The following CUBN variants were observed in gnomAD, a reference collection of about 807,000 sequenced individuals.
CUBN encodes 460 kDa receptor.
A neutral mutation model predicts 405.3 loss-of-function variants in CUBN; 282 were observed. The observed-to-expected ratio is 0.70, with a 90% confidence interval of 0.63 to 0.77. The LOEUF is 0.77. CUBN is among the 30% of genes least tolerant of loss of function. CUBN has a pLI of 0.00. For missense variants in CUBN, 4,514 were observed against 4,475.2 expected (o/e 1.01, Z -0.25); for synonymous variants, 1,684 against 1,617.0 (o/e 1.04, Z -0.99).
At chr10:17,127,805 T>A (rs764117159) in intron 3 of CUBN, 24 bp downstream of exon 3, 1 of 1,558,244 alleles carries the variant, frequency 6.4e-7, no homozygotes, top group Admixed American at 1.7e-5. Context: ...TCATCGGTTC[T>A]TATGACGTAG....
chr10:16,888,105 T>C (rs1252817480), intron 56 of CUBN, among the ~76,000 whole-genome samples: 1 of 152,130 alleles, frequency 6.6e-6, no homozygotes, highest in Non-Finnish European at 1.5e-5. Flanking sequence ...TAGGATATAT[T>C]GGTCACAGGA....
intron 17 of CUBN, among the ~76,000 whole-genome samples, chr10:17,080,649 T>C (rs1431529466): frequency 6.6e-6 from 1 of 152,166 alleles, no homozygotes; most frequent in East Asian, 1.9e-4. Context: ...TCATTTCCCT[T>C]CGTATCCTAC....
At chr10:17,005,727 T>A (rs1448849077) in intron 28 of CUBN, among the ~76,000 whole-genome samples, 1 of 152,216 alleles carries the variant, frequency 6.6e-6, no homozygotes, top group Non-Finnish European at 1.5e-5. Flanking sequence ...CTGCCTTGCC[T>A]ACTCTATGAC....
intron 39 of CUBN, among the ~76,000 whole-genome samples, chr10:16,935,879 C>CAAAAAAAA (rs369098280): frequency 2.8e-5 from 2 of 71,404 alleles, no homozygotes; most frequent in Non-Finnish European, 5.2e-5. Context: ...GACTCCATCT[C>CAAAAAAAA]AAAAAAAAAA....
Position 17,088,253 on chromosome 10 carries a change from C to A in CUBN, c.1858G>T (p.Val620Phe). Residue 620 changes from valine to phenylalanine, a missense_variant, in exon 15 of 67, where the codon GTT (valine) becomes TTT (phenylalanine). By Grantham distance (50) the Val-to-Phe change is conservative. Transcript: ENST00000377833. ...ACCAGGAGGTCAGGACTAGTTACAA[C>A]AATCCAGACACAATCTCTTCCTGGG... ...YPPGRDCVWI[V>F]VTSPDLLVTF... is the part of the protein sequence containing the mutation. 6.2e-7 allele frequency: 1 copy of A among 1,613,330 alleles called. No homozygotes were observed. The highest frequency in any genetic ancestry group is 8.5e-7 in the Non-Finnish European group (1 of 1,179,274).
chr10:16,888,747 TA>T (rs1451638084), intron 55 of CUBN, among the ~76,000 whole-genome samples, 181 bp from the exon 56 acceptor site: 70 of 152,184 alleles, frequency 4.6e-4, no homozygotes, highest in Non-Finnish European at 1.6e-4. Flanking sequence ...ATGTGCTTAA[TA>T]AGAATATTAT....
In CUBN at chr10:16,915,131, T is replaced by C. The variant is rs2131456450; in HGVS notation, c.7252A>G (p.Ser2418Gly). 1 of 1,614,106 alleles carries C rather than the reference T, an allele frequency of 6.2e-7. No individual in the cohort carries two copies. The highest frequency in any genetic ancestry group is 8.5e-7 in the Non-Finnish European group (1 of 1,179,970). Residue 2418 changes from serine to glycine, a missense_variant, in exon 47 of 67, where the codon AGC becomes GGC. By Grantham distance (56) the Ser-to-Gly change is moderately conservative. Transcript: ENST00000377833. ...GRYCGNTIPD[S>G]IDTSSNTAVV... ...GCAGTATTGCTAGAAGTGTCTATGCTGTCAGGAATGGTGTTTCCACAGTAT... is the reference window on the plus strand; with the variant it reads ...GCAGTATTGCTAGAAGTGTCTATGCCGTCAGGAATGGTGTTTCCACAGTAT...
chr10:16,940,323 G>C, intron 36 of CUBN, 86 bp from the exon 37 acceptor site: 1 of 1,278,132 alleles, frequency 7.8e-7, no homozygotes, highest in Admixed American at 1.7e-5. Context: ...AGGTTAACCC[G>C]TTCACTTTTT....
intron 44 of CUBN, 56 bp from the exon 45 acceptor site, chr10:16,918,856 A>G: frequency 6.9e-7 from 1 of 1,450,182 alleles, no homozygotes; most frequent in South Asian, 1.2e-5. Flanking sequence ...TATTTTGATA[A>G]TGACAACCTT....
chr10:17,027,652 CTCAGAATT>C (rs1337755355), intron 27 of CUBN, among the ~76,000 whole-genome samples: 2 of 152,144 alleles, frequency 1.3e-5, no homozygotes. Flanking sequence ...CTTCTCCAAT[CTCAGAATT>C]TCATACCCTT....
chr10:16,939,595 C>G (rs1001444736), intron 37 of CUBN, among the ~76,000 whole-genome samples: 2 of 152,152 alleles, frequency 1.3e-5, no homozygotes, highest in Non-Finnish European at 2.9e-5. Context: ...ACATTTTATA[C>G]TATTAGAAGA....
intron 56 of CUBN, 52 bp downstream of exon 56, chr10:16,888,365 T>A (rs1840881647): frequency 7.1e-7 from 1 of 1,418,222 alleles, no homozygotes; most frequent in African/African-American, 1.4e-5. Flanking sequence ...ACCATAAATA[T>A]ACAATTTTTG....
chr10:16,985,080 G>A (rs982767481), intron 29 of CUBN, among the ~76,000 whole-genome samples: 2 of 152,232 alleles, frequency 1.3e-5, no homozygotes, highest in African/African-American at 4.8e-5. Flanking sequence ...GTAGAAGAGG[G>A]AGGTTCCCTG....
At chr10:17,121,903 T>A (rs1837051247) in intron 6 of CUBN, 1 of 152,182 alleles carries the variant, frequency 6.6e-6, no homozygotes, top group Non-Finnish European at 1.5e-5. Context: ...TATAGCAGAA[T>A]TTATTTATTA....
Position 16,925,762 on chromosome 10 carries a change from T to C in CUBN, c.6284A>G (p.Tyr2095Cys), listed in dbSNP as rs1842171317. 3.1e-6 allele frequency: 5 copies of C among 1,613,914 alleles called. No homozygotes were observed. Among genetic ancestry groups the C allele is most frequent in the Non-Finnish European group, 4.2e-6 (5 of 1,179,864 alleles). Residue 2095 changes from tyrosine to cysteine, a missense_variant, in exon 42 of 67, where the codon TAT becomes TGT. By Grantham distance (194) the Tyr-to-Cys change is radical. Around this residue, in one of 5 missense-constraint regions of CUBN, gnomAD observed 1,613 missense variants for 1,542.8 expected, o/e 1.05. Coordinates refer to ENST00000377833, the MANE Select transcript of CUBN (RefSeq NM_001081.4). The part of the protein sequence containing the change: ...NASFHKSCGG[Y>C]LHADRGIITS... The stretch of plus-strand genomic sequence containing the variant: ...GATGATCCCTCTGTCTGCATGCAAA[T>C]ATCCACCGCAGCCTTCCCACAAAGA...
chr10:16,937,688 G>A lies in CUBN; in HGVS notation c.5830C>T (p.His1944Tyr). ...GAGATTGAAGAGTCGGAGTAAAAAT[G>A]AAATGTCAAAGAATTTCCAGTGGAG... ...FSSTGNSLTF[H>Y]FYSDSSISGK... The change falls in exon 39 of 67, where the codon CAT becomes TAT. Residue 1944 changes from histidine (H) to tyrosine (Y), a missense_variant. Physicochemically the swap from His to Tyr is moderately conservative, Grantham distance 83. Coordinates refer to ENST00000377833, the MANE Select transcript of CUBN (RefSeq NM_001081.4). 6.2e-7 allele frequency: 1 copy of A among 1,614,058 alleles called. No homozygotes were observed.
At chr10:16,955,819 G>T (rs905318174) in intron 31 of CUBN, among the ~76,000 whole-genome samples, 7 of 152,178 alleles carry the variant, frequency 4.6e-5, no homozygotes, top group Admixed American at 3.9e-4. Context: ...CTAAGAGGGA[G>T]CAGGTCACGT....
chr10:16,937,381 A>C lies in CUBN; in HGVS notation c.5926+211T>G, dbSNP rs2356587. Among the ~76,000 whole-genome samples, 76,991 of 151,938 alleles carry C rather than the reference A, an allele frequency of 0.51. 20,864 individuals carry two copies. Among genetic ancestry groups the C allele is most frequent in the African/African-American group, 0.71 (29,515 of 41,434 alleles). On this transcript the variant is annotated intron_variant, in intron 39 of 66. Coordinates refer to ENST00000377833, the MANE Select transcript of CUBN (RefSeq NM_001081.4). ...ATATCAAGCCCCTAATTAATATAAA[A>C]AATATAATGGGACCTGCATTTTTTA...
rs771294537 is a variant in CUBN, at chr10:16,890,462, C to A, written c.8664G>T (p.Pro2888=). 1 of 1,614,146 alleles carries A rather than the reference C, an allele frequency of 6.2e-7. No individual in the cohort carries two copies. Among genetic ancestry groups the A allele is most frequent in the Non-Finnish European group, 8.5e-7 (1 of 1,180,010 alleles). The change falls in exon 55 of 67, where the codon CCG becomes CCT. Residue 2888 remains proline, a synonymous_variant. Coordinates refer to ENST00000377833, the MANE Select transcript of CUBN (RefSeq NM_001081.4). The part of the protein sequence containing the change: ...LLATGCGNVA[P]GPVITPSNTF... ...TGTTACTTGGTGTGATAACGGGACC[C>A]GGAGCCACGTTCCCACAGCCAGTGG...
Sources: allele counts gnomAD v4.1 joint callset (sites outside exome capture counted in the v4.1 genomes callset), GRCh38; gene constraint gnomAD v4.1.1; regional missense constraint gnomAD v4.1.1; transcripts MANE v1.5; gene names NCBI Gene and HGNC (gene_info 2026-07-23, HGNC 2026-07-21).